CDH4: variants seen among roughly 807,000 people sequenced by gnomAD.
The protein encoded by CDH4 is cadherin 4.
A neutral mutation model predicts 86.0 loss-of-function variants in CDH4; 33 were observed. The observed-to-expected ratio is 0.38, with a 90% CI of 0.29 to 0.51. The LOEUF (loss-of-function observed/expected upper bound fraction) is 0.51. Among genes scored for constraint, CDH4 ranks in the 20% least tolerant of loss-of-function variants. The pLI is 0.86. For missense variants in CDH4, 1,114 were observed against 1,307.4 expected, an observed-to-expected ratio of 0.85 and a Z score of 2.28; for synonymous variants, 555 against 549.4, an observed-to-expected ratio of 1.01 and a Z score of -0.14.
chr20:61,484,754 A>AG (rs1269882474), intron 2 of CDH4, among the ~76,000 whole-genome samples: 1 of 150,620 alleles, frequency 6.6e-6, no homozygotes, highest in Non-Finnish European at 1.5e-5. Flanking sequence ...CTGAACACAG[A>AG]GGGGGCTCAG....
chr20:61,691,481 C>T (rs1305929246), intron 2 of CDH4, among the ~76,000 whole-genome samples: 1 of 151,790 alleles, frequency 6.6e-6, no homozygotes, highest in African/African-American at 2.4e-5. Flanking sequence ...TGTGTGCATA[C>T]GTTATAGATG....
intron 4 of CDH4, among the ~76,000 whole-genome samples, chr20:61,793,470 A>G (rs181824216): frequency 3.2e-4 from 49 of 152,324 alleles, no homozygotes; most frequent in African/African-American, 1.2e-3. Flanking sequence ...AGACATTGAG[A>G]AACATCGCTC....
chr20:61,431,359 G>GGTT (rs1568841938), intron 2 of CDH4, among the ~76,000 whole-genome samples: 2 of 129,982 alleles, frequency 1.5e-5, no homozygotes. Context: ...TTTTTTGTTG[G>GGTT]TTTTTTTTTT....
intron 2 of CDH4, among the ~76,000 whole-genome samples, chr20:61,620,001 C>A (rs985952390): frequency 6.6e-6 from 1 of 152,172 alleles, no homozygotes; most frequent in African/African-American, 2.4e-5. Context: ...AGAACTACAG[C>A]TGGTAATGGG....
At chr20:61,782,029 G>A (rs894991955) in intron 4 of CDH4, among the ~76,000 whole-genome samples, 2 of 152,130 alleles carry the variant, frequency 1.3e-5, no homozygotes, top group Admixed American at 1.3e-4. Context: ...AGGTGAAGCC[G>A]GGCATGGTGG....
chr20:61,320,077 T>C (rs1017130597), intron 2 of CDH4, among the ~76,000 whole-genome samples: 3 of 152,188 alleles, frequency 2.0e-5, no homozygotes, highest in Non-Finnish European at 4.4e-5. Flanking sequence ...CTTCCCACAA[T>C]AATTTTTGCA....
chr20:61,790,209 A>G (rs1979098543), intron 4 of CDH4, among the ~76,000 whole-genome samples: 1 of 151,442 alleles, frequency 6.6e-6, no homozygotes, highest in African/African-American at 2.4e-5. Flanking sequence ...CCATCCACCC[A>G]TCCATCCACC....
At chr20:61,930,101 C>G (rs2055089924) in intron 13 of CDH4, among the ~76,000 whole-genome samples, 1 of 152,244 alleles carries the variant, frequency 6.6e-6, no homozygotes, top group Non-Finnish European at 1.5e-5. Context: ...CGGCTCCACT[C>G]TGCCTCCCAG....
chr20:61,343,060 T>C (rs1254684590), intron 2 of CDH4, among the ~76,000 whole-genome samples: 1 of 152,224 alleles, frequency 6.6e-6, no homozygotes, highest in Non-Finnish European at 1.5e-5. Context: ...TCACTGGTTA[T>C]GAAGGGACAC....
chr20:61,566,175 G>C (rs1471169869), intron 2 of CDH4, among the ~76,000 whole-genome samples: 1 of 152,164 alleles, frequency 6.6e-6, no homozygotes, highest in South Asian at 2.1e-4. Flanking sequence ...TGGTCCCAGG[G>C]CTTCCTGCCC....
rs372708399 is a variant in CDH4 at position 61,896,324 on chromosome 20, G to A, written c.1188+1277G>A. Among the ~76,000 whole-genome samples the A allele has an allele frequency of 1.8e-4, 27 of 152,324 alleles. No homozygotes were observed. In the East Asian group the frequency reaches 5.0e-3, roughly 28 times the overall value. On this transcript the variant is annotated intron_variant, in intron 8 of 15. Transcript: ENST00000614565. ...CTCCCGGTGGGTGGGCCGGCTTGCT[G>A]AGAAGGCAACTAAGGCCAGAGCCCC... is the stretch of plus-strand genomic sequence containing the variant.
intron 2 of CDH4, among the ~76,000 whole-genome samples, chr20:61,571,932 G>T (rs915799038): frequency 6.6e-6 from 1 of 152,082 alleles, no homozygotes; most frequent in Non-Finnish European, 1.5e-5. Flanking sequence ...CCATGTTTCA[G>T]AGGAGGAAAC....
intron 2 of CDH4, among the ~76,000 whole-genome samples, chr20:61,511,190 C>T (rs573471108): frequency 8.9e-4 from 136 of 152,314 alleles, no homozygotes; most frequent in Non-Finnish European, 1.6e-3. Flanking sequence ...AGGGCGGGAC[C>T]GTGTTATCCA....
chr20:61,633,951 G>T (rs546671955), intron 2 of CDH4, among the ~76,000 whole-genome samples: 6 of 152,186 alleles, frequency 3.9e-5, no homozygotes, highest in Non-Finnish European at 8.8e-5. Context: ...GAAAATCCCA[G>T]TTCAGATTTT....
chr20:61,426,846 G>T (rs774718143), intron 2 of CDH4, among the ~76,000 whole-genome samples: 1 of 152,184 alleles, frequency 6.6e-6, no homozygotes, highest in Non-Finnish European at 1.5e-5. Context: ...AGATGTCGAG[G>T]ATTTCAAAAT....
At position 61,469,677 on chromosome 20, in the gene CDH4, A is replaced by G. The variant is rs1436596771; in HGVS notation, c.169+214740A>G. On this transcript the variant is annotated intron_variant, in intron 2 of 15. Transcript: ENST00000614565. ...AGTTTCCCCAATGTTTTCTTTTAAT[A>G]ATTTCATGGTTTGAGGTCTTAGATT... Among the ~76,000 whole-genome samples the G allele has an allele frequency of 2.0e-5, 3 of 152,040 alleles. No homozygotes were observed. The East Asian group carries it at 5.8e-4, about 29-fold the overall frequency.
chr20:61,898,509 CA>C (rs1462425417), intron 8 of CDH4, among the ~76,000 whole-genome samples: 1 of 152,156 alleles, frequency 6.6e-6, no homozygotes. Context: ...ATGGGTCCTG[CA>C]GTGAAGTTCT....
chr20:61,558,025 C>G (rs1231425109), intron 2 of CDH4, among the ~76,000 whole-genome samples: 1 of 152,090 alleles, frequency 6.6e-6, no homozygotes, highest in East Asian at 1.9e-4. Flanking sequence ...GGAATGAGAA[C>G]AGTTATGTTT....
chr20:61,396,341 G>A (rs953510630), intron 2 of CDH4, among the ~76,000 whole-genome samples: 23 of 152,152 alleles, frequency 1.5e-4, no homozygotes, highest in Non-Finnish European at 2.9e-4. Context: ...CAGGCAGGGA[G>A]CCTGGGACTG....
Sources: allele counts gnomAD v4.1 joint callset (sites outside exome capture counted in the v4.1 genomes callset), GRCh38; gene constraint gnomAD v4.1.1; transcripts MANE v1.5; gene names NCBI Gene and HGNC (gene_info 2026-07-23, HGNC 2026-07-21).